Variants in RAB6B observed in about 807,000 individuals in gnomAD.
RAB6B encodes the protein ras-related protein Rab-6B.
A neutral mutation model predicts 31.2 loss-of-function variants in RAB6B; 7 were observed. The observed-to-expected ratio is 0.22, with a 90% CI of 0.13 to 0.42. RAB6B has a LOEUF of 0.42. Ranked by LOEUF, RAB6B falls within the 10% of genes least tolerant of loss-of-function variation. The pLI is 1.00. For synonymous variants in RAB6B, 105 were observed against 104.9 expected, an observed-to-expected ratio of 1.00 and a Z score of -0.01; for missense variants, 149 against 280.6, an observed-to-expected ratio of 0.53 and a Z score of 3.35.
At chr3:133,845,511 G>A (rs1273082533) in intron 2 of RAB6B, among the ~76,000 whole-genome samples, 1 of 152,198 alleles carries the variant, frequency 6.6e-6, no homozygotes, top group Non-Finnish European at 1.5e-5. Flanking sequence ...CTCCTGAACT[G>A]TGAGCAATAA....
In RAB6B at chr3:133,850,703, G is replaced by A. The variant is rs948958193; in HGVS notation, c.130-9040C>T. Among the ~76,000 whole-genome samples the A allele has an allele frequency of 3.3e-5, 5 of 152,110 alleles. No homozygotes were observed. The South Asian group carries it at 6.2e-4, about 19-fold the overall frequency. ...CATATGTTTAACTGGAGTCCCAGAAGTAGAGGAGATGGAGAATTGGACAAA... is the reference window on the plus strand; with the variant it reads ...CATATGTTTAACTGGAGTCCCAGAAATAGAGGAGATGGAGAATTGGACAAA... On this transcript the variant is annotated intron_variant, in intron 2 of 7. Transcript: ENST00000285208.
chr3:133,860,883 T>A (rs1423218795), intron 2 of RAB6B, among the ~76,000 whole-genome samples: 1 of 152,244 alleles, frequency 6.6e-6, no homozygotes, highest in Non-Finnish European at 1.5e-5. Context: ...TGGCTCTAAG[T>A]GCATCACAAT....
chr3:133,832,883 C>G (rs1935675627), intron 7 of RAB6B, among the ~76,000 whole-genome samples: 1 of 152,208 alleles, frequency 6.6e-6, no homozygotes, highest in Non-Finnish European at 1.5e-5. Flanking sequence ...GCTAGGCATA[C>G]CAGGACGATG....
At chr3:133,871,714 G>C (rs541947558) in intron 1 of RAB6B, among the ~76,000 whole-genome samples, 57 of 152,378 alleles carry the variant, frequency 3.7e-4, no homozygotes, top group Non-Finnish European at 6.9e-4. Flanking sequence ...AAACTGGGGA[G>C]AGCAGGGGGC....
intron 2 of RAB6B, among the ~76,000 whole-genome samples, chr3:133,842,566 G>C (rs1227998040): frequency 1.3e-5 from 2 of 152,234 alleles, no homozygotes; most frequent in Non-Finnish European, 2.9e-5. Context: ...CTTGGCAGCT[G>C]TTAACAATCA....
chr3:133,835,282 A>C (rs1398028141), intron 6 of RAB6B, among the ~76,000 whole-genome samples: 1 of 151,970 alleles, frequency 6.6e-6, no homozygotes, highest in East Asian at 1.9e-4. Context: ...GACTGCGTGG[A>C]AAATGTGTGT....
At chr3:133,889,168 C>G (rs1254246880) in intron 1 of RAB6B, among the ~76,000 whole-genome samples, 1 of 151,908 alleles carries the variant, frequency 6.6e-6, no homozygotes, top group Non-Finnish European at 1.5e-5. Context: ...AACCAGACAG[C>G]CCTACACATT....
intron 1 of RAB6B, among the ~76,000 whole-genome samples, chr3:133,876,350 C>G (rs1404433957): frequency 2.0e-5 from 3 of 152,186 alleles, no homozygotes; most frequent in African/African-American, 7.2e-5. Flanking sequence ...CGGGCTGCTG[C>G]TCCAAGCCCA....
intron 4 of RAB6B, among the ~76,000 whole-genome samples, chr3:133,839,975 C>CGTGTGTGTGCATACACACACA (rs1935797222): frequency 6.6e-6 from 1 of 151,490 alleles, no homozygotes; most frequent in Admixed American, 6.6e-5. Flanking sequence ...CTGGGTCACA[C>CGTGTGTGTGCATACACACACA]GTGTGTGTGC....
At chr3:133,843,811 C>A (rs1935870088) in intron 2 of RAB6B, among the ~76,000 whole-genome samples, 2 of 152,106 alleles carry the variant, frequency 1.3e-5, no homozygotes, top group South Asian at 4.1e-4. Flanking sequence ...GCTCCCTTTC[C>A]CACTGTCCGG....
chr3:133,875,439 G>A (rs1165675263), intron 1 of RAB6B, among the ~76,000 whole-genome samples: 1 of 152,202 alleles, frequency 6.6e-6, no homozygotes, highest in Non-Finnish European at 1.5e-5. Flanking sequence ...TGGAGGAAAT[G>A]CTGATTAGAG....
At chr3:133,861,305 T>C (rs1262156071) in intron 2 of RAB6B, among the ~76,000 whole-genome samples, 1 of 152,184 alleles carries the variant, frequency 6.6e-6, no homozygotes, top group Non-Finnish European at 1.5e-5. Context: ...TGGATTTAGA[T>C]GAGGTGATGG....
chr3:133,889,415 TA>T lies in RAB6B; in HGVS notation c.70+5981del, dbSNP rs1270738534. 1.4e-3 allele frequency among the ~76,000 whole-genome samples: 82 copies of T among 57,494 alleles called. 4 individuals carry two copies. Among genetic ancestry groups the T allele is most frequent in the African/African-American group, 5.5e-3 (77 of 13,958 alleles). The allele number at this position is 57,494 out of a possible 152,430, so 37.7% of individuals were successfully genotyped here. ...ATATATATATATATATATATATATATATATATATATATATATATATATATAT... is the reference window on the plus strand; with the variant it reads ...ATATATATATATATATATATATATATTATATATATATATATATATATATAT... On this transcript the variant is annotated intron_variant, in intron 1 of 7. Transcript: ENST00000285208.
intron 2 of RAB6B, among the ~76,000 whole-genome samples, chr3:133,859,429 G>A (rs536760640): frequency 6.6e-6 from 1 of 152,260 alleles, no homozygotes; most frequent in South Asian, 2.1e-4. Context: ...CCTGGGTTGG[G>A]GGTGGGTGTC....
intron 6 of RAB6B, among the ~76,000 whole-genome samples, chr3:133,835,277 C>T (rs575421040): frequency 2.6e-4 from 40 of 151,938 alleles, no homozygotes; most frequent in Admixed American, 1.1e-3. Flanking sequence ...TGTAGGACTG[C>T]GTGGAAAATG....
Position 133,895,573 on chromosome 3 carries a change from G to T in RAB6B, c.-107C>A. On this transcript the variant is annotated 5_prime_UTR_variant, in exon 1 of 8. Coordinates refer to ENST00000285208, the MANE Select transcript of RAB6B (RefSeq NM_016577.4). ...GCGGCCGGCGGTGCGGGAGCCGGAG[G>T]GGGAAGGGCTGGCTGCGCGCGTCCC... 1.7e-6 allele frequency: 2 copies of T among 1,149,182 alleles called. No individual in the cohort carries two copies. Among genetic ancestry groups the T allele is most frequent in the African/African-American group, 1.5e-5 (1 of 65,272 alleles). 71.2% of individuals were successfully genotyped at this position (1,149,182 alleles called of 1,614,324 possible). A position where few individuals can be genotyped will look rare whatever the true frequency, so the allele number is the denominator to read the frequency against.
intron 1 of RAB6B, among the ~76,000 whole-genome samples, chr3:133,867,839 C>A (rs78256515): frequency 8.5e-4 from 130 of 152,276 alleles, no homozygotes; most frequent in African/African-American, 3.1e-3. Flanking sequence ...CTCATTCTTA[C>A]TTTGCTGCAA....
chr3:133,895,348 G>A (rs1936693797), intron 1 of RAB6B, 49 bp downstream of exon 1: 2 of 1,585,010 alleles, frequency 1.3e-6, no homozygotes, highest in Non-Finnish European at 8.6e-7. Context: ...GCGATTGGGC[G>A]GCGGGGGTCG....
chr3:133,838,028 G>GC, intron 6 of RAB6B, 138 bp downstream of exon 6: 1 of 838,772 alleles, frequency 1.2e-6, no homozygotes, highest in South Asian at 1.5e-5. Flanking sequence ...CTCCCTGGGC[G>GC]CATCTATGGG....
Sources: gnomAD v4.1 joint callset for allele counts (sites outside exome capture counted in the v4.1 genomes callset) on GRCh38, gnomAD v4.1.1 for gene constraint, MANE v1.5 for transcripts, NCBI Gene and HGNC (gene_info 2026-07-23, HGNC 2026-07-21) for gene names.